Variants in TPMT observed in about 807,000 individuals in gnomAD.
TPMT encodes the protein S-adenosyl-L-methionine:thiopurine S-methyltransferase.
In TPMT, 18 loss-of-function variants were observed where a neutral mutation model predicts 34.2. That is an observed-to-expected ratio of 0.53 (90% CI 0.36 to 0.78). The LOEUF is 0.78. TPMT is among the 30% of genes least tolerant of loss of function. The probability of loss-of-function intolerance (pLI) is 0.00; values close to 1 mark genes in which losing one functional copy is unlikely to be tolerated. For synonymous variants in TPMT, 69 were observed against 92.4 expected, an observed-to-expected ratio of 0.75 and a Z score of 1.45; for missense variants, 265 against 288.1, an observed-to-expected ratio of 0.92 and a Z score of 0.58.
Position 18,145,676 on chromosome 6 carries a change from C to T in TPMT, c.234-1948G>A, listed in dbSNP as rs11964408. Among the ~76,000 whole-genome samples the T allele has an allele frequency of 0.058, 8,767 of 152,250 alleles. 335 individuals carry two copies. Among genetic ancestry groups the T allele is most frequent in the African/African-American group, 0.1 (4,354 of 41,542 alleles). ...TCATCTTTCGTATTTCTTAGGATAT[C>T]TGTAAACATACAGGGAGTTTAAAAA... is the stretch of plus-strand genomic sequence containing the variant. On this transcript the variant is annotated intron_variant, in intron 3 of 8. Transcript: ENST00000309983. The surrounding 1 kb of genome is among the most constrained non-coding windows in gnomAD (Gnocchi z 5.6).
At chr6:18,134,435 G>C (rs556178873) in intron 6 of TPMT, among the ~76,000 whole-genome samples, 12 of 148,466 alleles carry the variant, frequency 8.1e-5, no homozygotes, top group African/African-American at 2.9e-4. Context: ...CCTCTATTTA[G>C]TTAGAAATGA....
chr6:18,155,090 G>C (rs1784467502), upstream of TPMT: 1 of 132,020 alleles, frequency 7.6e-6, no homozygotes, highest in African/African-American at 3.0e-5. This position sits in a 1 kb window ranked among gnomAD's most constrained non-coding sequence, Gnocchi z 6.2. Context: ...CCCCAGGGGC[G>C]GGTACGCCTC....
chr6:18,147,254 G>A (rs1277180583), intron 3 of TPMT, among the ~76,000 whole-genome samples: 1 of 152,152 alleles, frequency 6.6e-6, no homozygotes, highest in Non-Finnish European at 1.5e-5. Flanking sequence ...GGTGACTTTA[G>A]GGTAACTCAT....
Position 18,130,950 on chromosome 6 carries a change from C to T in TPMT, c.626-170G>A, listed in dbSNP as rs1783929694. On this transcript the variant is annotated intron_variant, in intron 8 of 8. Transcript: ENST00000309983. This position sits in a 1 kb window ranked among gnomAD's most constrained non-coding sequence, Gnocchi z 4.2. ...GGTCAGGAGTTCATGACCAGCCTGG[C>T]CAAGATGGTGAAACTCTGTCTCTAC... 6.6e-6 allele frequency among the ~76,000 whole-genome samples: 1 copy of T among 151,432 alleles called. No individual in the cohort carries two copies. The highest frequency in any genetic ancestry group is 2.4e-5 in the African/African-American group (1 of 41,222).
In TPMT at chr6:18,145,527, G is replaced by C. The variant is rs1784233309; in HGVS notation, c.234-1799C>G. ...TTTCCCTAATATATCAATTGAGTTA[G>C]AATTCAGTTTTGAAACAAGTATAGC... On this transcript the variant is annotated intron_variant, in intron 3 of 8. Transcript: ENST00000309983. This position sits in a 1 kb window ranked among gnomAD's most constrained non-coding sequence, Gnocchi z 5.6. Among the ~76,000 whole-genome samples, 1 of 152,148 alleles carries C rather than the reference G, an allele frequency of 6.6e-6. No homozygotes were observed.
At chr6:18,144,241 A>G (rs1170340618) in intron 3 of TPMT, among the ~76,000 whole-genome samples, 1 of 152,220 alleles carries the variant, frequency 6.6e-6, no homozygotes, top group Non-Finnish European at 1.5e-5. Flanking sequence ...CTACTGTACT[A>G]AAGTGAACAG....
rs913524207 is a variant in TPMT at position 18,148,642 on chromosome 6, T to G, written c.140+346A>C. 6.6e-6 allele frequency among the ~76,000 whole-genome samples: 1 copy of G among 152,216 alleles called. No individual in the cohort carries two copies. Among genetic ancestry groups the G allele is most frequent in the African/African-American group, 2.4e-5 (1 of 41,454 alleles). On this transcript the variant is annotated intron_variant, in intron 2 of 8. Transcript: ENST00000309983. This position sits in a 1 kb window ranked among gnomAD's most constrained non-coding sequence, Gnocchi z 4.1. ...GGAAAGCAAAGTCAGACACCACTGA[T>G]TTTCAGTATGAAGAATTGTAAGCAT... is the stretch of plus-strand genomic sequence containing the variant.
chr6:18,143,844 T>A lies in TPMT; in HGVS notation c.234-116A>T. 7.5e-7 allele frequency: 1 copy of A among 1,340,470 alleles called. No homozygotes were observed. Among genetic ancestry groups the A allele is most frequent in the Non-Finnish European group, 1.0e-6 (1 of 971,562 alleles). The allele number at this position is 1,340,470 out of a possible 1,614,324, so 83.0% of individuals were successfully genotyped here. The stretch of plus-strand genomic sequence containing the variant: ...TAGAGGAATTTATATGAATTCAGGT[T>A]CATAGGGTTTCAAAGAACATGCAGG... On this transcript the variant is annotated intron_variant, in intron 3 of 8. Transcript: ENST00000309983. The surrounding 1 kb of genome is among the most constrained non-coding windows in gnomAD (Gnocchi z 6.1).
rs1487578105 is a variant in TPMT at position 18,148,459 on chromosome 6, T to A, written c.140+529A>T. The stretch of plus-strand genomic sequence containing the variant: ...GCGTGGCTGCCCAGAACAAGGAATG[T>A]CTCTAACAACCACTTTACTCAGCAC... On this transcript the variant is annotated intron_variant, in intron 2 of 8. Transcript: ENST00000309983. The surrounding 1 kb of genome is among the most constrained non-coding windows in gnomAD (Gnocchi z 4.1). Among the ~76,000 whole-genome samples the A allele has an allele frequency of 6.6e-6, 1 of 152,182 alleles. No homozygotes were observed. Among genetic ancestry groups the A allele is most frequent in the Non-Finnish European group, 1.5e-5 (1 of 68,026 alleles).
Position 18,146,730 on chromosome 6 carries a change from T to C in TPMT, c.233+1093A>G, listed in dbSNP as rs527596628. The stretch of plus-strand genomic sequence containing the variant: ...ATTGGTTAAAATATATGTCATAATA[T>C]AGTTTAAATATTCTCAATTTCATGA... On this transcript the variant is annotated intron_variant, in intron 3 of 8. Transcript: ENST00000309983. This position sits in a 1 kb window ranked among gnomAD's most constrained non-coding sequence, Gnocchi z 6.2. Among the ~76,000 whole-genome samples the C allele has an allele frequency of 3.5e-4, 54 of 152,256 alleles. No individual in the cohort carries two copies. Among genetic ancestry groups the C allele is most frequent in the Admixed American group, 1.1e-3 (17 of 15,270 alleles).
At position 18,135,514 on chromosome 6, in the gene TPMT, G is replaced by GT. The variant is rs1159566918; in HGVS notation, c.495-1626dup. On this transcript the variant is annotated intron_variant, in intron 6 of 8. Coordinates refer to ENST00000309983, the MANE Select transcript of TPMT (RefSeq NM_000367.5). This position sits in a 1 kb window ranked among gnomAD's most constrained non-coding sequence, Gnocchi z 5.0. ...AGCACCAATATAATGTGCTAACATG[G>GT]TAAGTACTGAGTACCAGCATGTAGA... is the stretch of plus-strand genomic sequence containing the variant. 2.0e-5 allele frequency among the ~76,000 whole-genome samples: 3 copies of GT among 152,150 alleles called. No homozygotes were observed. The highest frequency in any genetic ancestry group is 2.9e-5 in the Non-Finnish European group (2 of 68,028).
rs1378600726 is a variant in TPMT at position 18,132,523 on chromosome 6, C to T, written c.581-346G>A. Among the ~76,000 whole-genome samples, 1 of 152,112 alleles carries T rather than the reference C, an allele frequency of 6.6e-6. No individual in the cohort carries two copies. The highest frequency in any genetic ancestry group is 1.5e-5 in the Non-Finnish European group (1 of 68,034). On this transcript the variant is annotated intron_variant, in intron 7 of 8. Transcript: ENST00000309983. This position sits in a 1 kb window ranked among gnomAD's most constrained non-coding sequence, Gnocchi z 4.8. ...ACTCACCCACATTTTATACACCCCT[C>T]CCGCTCTGCTGCAGGATATAGAGTA...
intron 4 of TPMT, among the ~76,000 whole-genome samples, chr6:18,142,128 T>C (rs1428234493): frequency 6.6e-6 from 1 of 152,094 alleles, no homozygotes; most frequent in African/African-American, 2.4e-5. Flanking sequence ...CCGGCGCTTC[T>C]ACACCTGGCA....
At chr6:18,147,469 C>G (rs146552353) in intron 3 of TPMT, among the ~76,000 whole-genome samples, 12 of 152,280 alleles carry the variant, frequency 7.9e-5, no homozygotes, top group East Asian at 7.7e-4. Flanking sequence ...CTCTGTCCAC[C>G]ACCATTTCAA....
chr6:18,152,405 C>A (rs773982852), intron 1 of TPMT, among the ~76,000 whole-genome samples: 4 of 152,108 alleles, frequency 2.6e-5, no homozygotes, highest in Admixed American at 1.3e-4. Context: ...AGATACTGAA[C>A]CATAGTTCAA....
rs1784437081 is a variant in TPMT, at chr6:18,154,510, C to A, written c.-45+523G>T. 6.6e-6 allele frequency among the ~76,000 whole-genome samples: 1 copy of A among 152,158 alleles called. No homozygotes were observed. The highest frequency in any genetic ancestry group is 1.5e-5 in the Non-Finnish European group (1 of 68,038). ...ATATTTACAGCACCCCAGTTTCCCA[C>A]ATCACCAGGGATCACTCACTATTTG... On this transcript the variant is annotated intron_variant, in intron 1 of 8. Transcript: ENST00000309983. This position sits in a 1 kb window ranked among gnomAD's most constrained non-coding sequence, Gnocchi z 4.2.
Position 18,133,789 on chromosome 6 carries a change from A to C in TPMT, c.580+15T>G, listed in dbSNP as rs1461465411. The stretch of plus-strand genomic sequence containing the variant: ...GCAACTGGTAAAAGAAAAAAAAAAA[A>C]CCCAACAACTTTACCTGGATGTTTA... On this transcript the variant is annotated intron_variant, in intron 7 of 8. Transcript: ENST00000309983. 2 of 1,556,606 alleles carry C rather than the reference A, an allele frequency of 1.3e-6. No homozygotes were observed. The highest frequency in any genetic ancestry group is 2.3e-5 in the East Asian group (1 of 43,532).
In TPMT at chr6:18,138,814, A is replaced by G; in HGVS notation, c.494+149T>C. 1.5e-6 allele frequency: 1 copy of G among 687,106 alleles called. No individual in the cohort carries two copies. Among genetic ancestry groups the G allele is most frequent in the African/African-American group, 1.8e-5 (1 of 55,258 alleles). The allele number at this position is 687,106 out of a possible 1,614,324, so 42.6% of individuals were successfully genotyped here. A position where few individuals can be genotyped will look rare whatever the true frequency, so the allele number is the denominator to read the frequency against. On this transcript the variant is annotated intron_variant, in intron 6 of 8. Transcript: ENST00000309983. The surrounding 1 kb of genome is among the most constrained non-coding windows in gnomAD (Gnocchi z 4.1). The stretch of plus-strand genomic sequence containing the variant: ...GTCAAATCCTATACTTTTTAGACAA[A>G]GCTAGTATTGGATTTAGGTTTTTAT...
rs1784186097 is a variant in TPMT, at chr6:18,143,511, C to T, written c.366+85G>A. On this transcript the variant is annotated intron_variant, in intron 4 of 8. Transcript: ENST00000309983. This position sits in a 1 kb window ranked among gnomAD's most constrained non-coding sequence, Gnocchi z 6.1. ...CGTGCTAAATAGGAACCATCGGACACATGAATGGTATCCTCATAATACTCA... is the reference window on the plus strand; with the variant it reads ...CGTGCTAAATAGGAACCATCGGACATATGAATGGTATCCTCATAATACTCA... The T allele has an allele frequency of 8.4e-6, 13 of 1,554,274 alleles. No individual in the cohort carries two copies. Among genetic ancestry groups the T allele is most frequent in the Non-Finnish European group, 1.1e-5 (13 of 1,130,752 alleles).
Sources: allele counts gnomAD v4.1 joint callset (sites outside exome capture counted in the v4.1 genomes callset), GRCh38; gene constraint gnomAD v4.1.1; non-coding constraint Gnocchi (gnomAD v3.1); transcripts MANE v1.5; gene names NCBI Gene and HGNC (gene_info 2026-07-23, HGNC 2026-07-21).